The following CLYBL variants were observed in gnomAD, a reference collection of about 807,000 sequenced individuals.
CLYBL encodes citramalyl-CoA lyase, mitochondrial.
In CLYBL, 31 loss-of-function variants were observed where a neutral mutation model predicts 38.9. The ratio of observed to expected loss-of-function variants is 0.80; its 90% CI spans 0.60 to 1.08. The LOEUF (loss-of-function observed/expected upper bound fraction) is 1.08. Among genes scored for constraint, CLYBL ranks in the 50% least tolerant of loss-of-function variants. The pLI, the probability that CLYBL is intolerant of heterozygous loss-of-function variation, is 0.00. For missense variants in CLYBL, 434 were observed against 411.6 expected (o/e 1.05, Z -0.47); for synonymous variants, 171 against 158.6 (o/e 1.08, Z -0.59).
chr13:99,657,706 T>G (rs1594104896), intron 1 of CLYBL, among the ~76,000 whole-genome samples: 1 of 152,210 alleles, frequency 6.6e-6, no homozygotes, highest in South Asian at 2.1e-4. Flanking sequence ...TTTTTTTTCT[T>G]TTTTGGAAAT....
At chr13:99,883,858 C>A (rs1643989542) in intron 7 of CLYBL, among the ~76,000 whole-genome samples, 1 of 152,194 alleles carries the variant, frequency 6.6e-6, no homozygotes, top group African/African-American at 2.4e-5. Context: ...TTCCTTGAAG[C>A]CCTTCCCTGG....
At chr13:99,773,109 C>A in intron 2 of CLYBL, 99 bp downstream of exon 2, 1 of 992,354 alleles carries the variant, frequency 1.0e-6, no homozygotes, top group Non-Finnish European at 1.5e-6. Context: ...TTCTACCACA[C>A]TCATCTTTTG....
At chr13:99,730,809 A>C (rs1300540097) in intron 1 of CLYBL, among the ~76,000 whole-genome samples, 1 of 152,126 alleles carries the variant, frequency 6.6e-6, no homozygotes, top group East Asian at 1.9e-4. Flanking sequence ...TGGGCCAGGC[A>C]CGGTGGCTCA....
At chr13:99,828,562 G>C (rs1566343896) in intron 2 of CLYBL, among the ~76,000 whole-genome samples, 1 of 152,124 alleles carries the variant, frequency 6.6e-6, no homozygotes, top group East Asian at 1.9e-4. Flanking sequence ...GTAAAGAGCA[G>C]CATTTCTACA....
Position 99,864,618 on chromosome 13 carries a change from C to A in CLYBL, c.541-200C>A, listed in dbSNP as rs554238971. 3.9e-5 allele frequency among the ~76,000 whole-genome samples: 6 copies of A among 152,252 alleles called. No individual in the cohort carries two copies. In the South Asian group the frequency reaches 8.3e-4, roughly 21 times the overall value. On this transcript the variant is annotated intron_variant, in intron 4 of 8. Coordinates refer to ENST00000339105, the MANE Select transcript of CLYBL (RefSeq NM_206808.5). Reference sequence around the variant, plus strand: ...AACTATATTCATATAATCCATTAAACAAAGCAAATATATACAATATACTTA... The same window carrying A: ...AACTATATTCATATAATCCATTAAAAAAAGCAAATATATACAATATACTTA...
chr13:99,898,542 G>A (rs74113461), downstream of CLYBL, among the ~76,000 whole-genome samples: 11,938 of 152,132 alleles, frequency 0.078, 722 homozygotes, highest in African/African-American at 0.16. Flanking sequence ...GGTGGCTCTC[G>A]GGAGCTTCTC....
At chr13:99,649,560 T>A (rs9585166) in intron 1 of CLYBL, among the ~76,000 whole-genome samples, 2,041 of 152,286 alleles carry the variant, frequency 0.013, 46 homozygotes, top group African/African-American at 0.046. Flanking sequence ...ATGGAGGACT[T>A]ATGTGTTAAA....
intron 1 of CLYBL, among the ~76,000 whole-genome samples, chr13:99,666,689 A>T (rs868639064): frequency 2.0e-5 from 3 of 151,364 alleles, no homozygotes; most frequent in African/African-American, 4.9e-5. Context: ...ATGATTTTTC[A>T]TTATGCACAC....
intron 1 of CLYBL, among the ~76,000 whole-genome samples, chr13:99,653,712 C>A (rs2047288359): frequency 6.6e-6 from 1 of 152,054 alleles, no homozygotes; most frequent in Non-Finnish European, 1.5e-5. Context: ...TTCTCCTCCA[C>A]TTTTGAGTCT....
At chr13:99,671,122 C>T (rs1054963589) in intron 1 of CLYBL, among the ~76,000 whole-genome samples, 2 of 152,108 alleles carry the variant, frequency 1.3e-5, no homozygotes, top group African/African-American at 4.8e-5. Context: ...GCTGGTTCTG[C>T]TGCCAGATTC....
At chr13:99,800,500 C>T (rs1031830162) in intron 2 of CLYBL, among the ~76,000 whole-genome samples, 1 of 152,130 alleles carries the variant, frequency 6.6e-6, no homozygotes, top group African/African-American at 2.4e-5. Context: ...ACTGCTTGGG[C>T]CTGATTTCAG....
intron 2 of CLYBL, among the ~76,000 whole-genome samples, chr13:99,785,197 T>C (rs940593400): frequency 1.5e-5 from 1 of 68,848 alleles, no homozygotes; most frequent in Non-Finnish European, 4.5e-5. Context: ...CTGGCTTTTT[T>C]TTTTTTTTTT....
intron 1 of CLYBL, among the ~76,000 whole-genome samples, chr13:99,626,355 T>A (rs1234810504): frequency 6.6e-6 from 1 of 152,196 alleles, no homozygotes; most frequent in East Asian, 1.9e-4. Flanking sequence ...GAGGCCAGAC[T>A]GTGAAGGGAT....
In CLYBL at chr13:99,676,186, GTCCTTCCTTCCTTCCTTCCTTCCTTCCT is replaced by G. The variant is rs35403713; in HGVS notation, c.62+69455_62+69482del. 5.0e-4 allele frequency among the ~76,000 whole-genome samples: 66 copies of G among 133,092 alleles called. 3 individuals are homozygous for G. The South Asian group carries it at 6.6e-3, about 13-fold the overall frequency. The allele number at this position is 133,092 out of a possible 152,430, so 87.3% of individuals were successfully genotyped here. A position where few individuals can be genotyped will look rare whatever the true frequency, so the allele number is the denominator to read the frequency against. On this transcript the variant is annotated intron_variant, in intron 1 of 8. Coordinates refer to ENST00000339105, the MANE Select transcript of CLYBL (RefSeq NM_206808.5). ...CTGGCTTCCTTCCTTCCCTCCGTCC[GTCCTTCCTTCCTTCCTTCCTTCCTTCCT>G]TCCTTCCTTCCTTCCTTCCTTCCTT...
At position 99,713,445 on chromosome 13, in the gene CLYBL, T is replaced by G. The variant is rs563295193; in HGVS notation, c.63-59379T>G. On this transcript the variant is annotated intron_variant, in intron 1 of 8. Transcript: ENST00000339105. ...ACCTCCGCCTCCCAGGTCCAGGTGA[T>G]TCTCCTGCCTCAGCCTCCTGAGTAG... Among the ~76,000 whole-genome samples the G allele has an allele frequency of 2.3e-4, 35 of 151,194 alleles. 1 individual carries two copies. The South Asian group carries it at 7.3e-3, about 32-fold the overall frequency.
At chr13:99,606,794 G>T in intron 1 of CLYBL, 37 bp downstream of exon 1, 1 of 1,361,392 alleles carries the variant, frequency 7.3e-7, no homozygotes, top group Non-Finnish European at 9.4e-7. Context: ...TTCCCGGCCC[G>T]GCTCGCCGCG....
At chr13:99,821,638 CCA>C (rs1163033785) in intron 2 of CLYBL, among the ~76,000 whole-genome samples, 5 of 152,252 alleles carry the variant, frequency 3.3e-5, no homozygotes, top group Non-Finnish European at 7.3e-5. Flanking sequence ...GGTATTGAGT[CCA>C]GACTCAGGAG....
rs139465721 is a variant in CLYBL, at chr13:99,856,670, G to A, written c.250-2191G>A. Among the ~76,000 whole-genome samples, 30 of 152,100 alleles carry A rather than the reference G, an allele frequency of 2.0e-4. 1 individual carries two copies. In the East Asian group the frequency reaches 5.6e-3, roughly 29 times the overall value. Reference sequence around the variant, plus strand: ...GTTTTCGCTTTTGAGATGGAGTCTCGCTCTGTGTCCTATGCTGGAGTGCAG... The same window carrying A: ...GTTTTCGCTTTTGAGATGGAGTCTCACTCTGTGTCCTATGCTGGAGTGCAG... On this transcript the variant is annotated intron_variant, in intron 2 of 8. Transcript: ENST00000339105.
intron 1 of CLYBL, among the ~76,000 whole-genome samples, chr13:99,608,906 G>A (rs968725031): frequency 9.6e-6 from 1 of 104,252 alleles, no homozygotes; most frequent in Non-Finnish European, 1.9e-5. Context: ...TTGGTCTTTC[G>A]GTGGTTTTAT....
Sources: allele counts gnomAD v4.1 joint callset (sites outside exome capture counted in the v4.1 genomes callset), GRCh38; gene constraint gnomAD v4.1.1; transcripts MANE v1.5; gene names NCBI Gene and HGNC (gene_info 2026-07-23, HGNC 2026-07-21).